The following UBN2 variants were observed in gnomAD, a reference collection of about 807,000 sequenced individuals.
The protein encoded by UBN2 is ubinuclein 2, also known as ubinuclein-2.
In UBN2, 35 loss-of-function variants were observed where a neutral mutation model predicts 120.2. That is an observed-to-expected ratio of 0.29 (90% confidence interval 0.22 to 0.39). The LOEUF is 0.39. Among genes scored for constraint, UBN2 ranks in the 10% least tolerant of loss-of-function variants. The probability of loss-of-function intolerance (pLI) is 1.00; values close to 1 mark genes in which losing one functional copy is unlikely to be tolerated. For missense variants in UBN2, 1,693 were observed against 1,663.2 expected (o/e 1.02, Z -0.31); for synonymous variants, 661 against 648.7 (o/e 1.02, Z -0.29).
downstream of UBN2, among the ~76,000 whole-genome samples, chr7:139,313,088 C>T (rs1798469137): frequency 6.6e-6 from 1 of 151,990 alleles, no homozygotes; most frequent in African/African-American, 2.4e-5. Context: ...GTCTTTGTTA[C>T]TCTATGTTGG....
intron 3 of UBN2, among the ~76,000 whole-genome samples, chr7:139,257,563 A>T (rs1002181603): frequency 2.6e-5 from 4 of 151,214 alleles, no homozygotes; most frequent in African/African-American, 9.7e-5. Context: ...CACCCACCCC[A>T]CCACGCCCGG....
chr7:139,284,202 C>G lies in UBN2; in HGVS notation c.3297C>G (p.Ala1099=). The G allele has an allele frequency of 6.2e-7, 1 of 1,614,112 alleles. No individual in the cohort carries two copies. The highest frequency in any genetic ancestry group is 8.5e-7 in the Non-Finnish European group (1 of 1,180,028). The change falls in exon 15 of 18, where the codon GCC becomes GCG. Residue 1099 remains alanine (A), a synonymous_variant. Coordinates refer to ENST00000473989, the MANE Select transcript of UBN2 (RefSeq NM_173569.4). ...PSSSSPNALV[A]QGSHSSTNSP... is the part of the protein sequence containing the mutation. ...GTTCCAGTCCAAATGCACTAGTTGC[C>G]CAGGGTAGCCACTCCAGCACTAACA...
intron 1 of UBN2, among the ~76,000 whole-genome samples, chr7:139,234,370 A>C (rs1796108419): frequency 6.6e-6 from 1 of 152,178 alleles, no homozygotes. Flanking sequence ...TTCCCTTCTT[A>C]AATACTAAAT....
At chr7:139,286,773 G>A (rs189456291) in intron 15 of UBN2, among the ~76,000 whole-genome samples, 1 of 152,256 alleles carries the variant, frequency 6.6e-6, no homozygotes, top group East Asian at 1.9e-4. Context: ...TCCTATTTAT[G>A]TGGAACAGGA....
At chr7:139,236,383 G>C (rs1319126863) in intron 1 of UBN2, among the ~76,000 whole-genome samples, 1 of 152,212 alleles carries the variant, frequency 6.6e-6, no homozygotes, top group African/African-American at 2.4e-5. Context: ...AATGGTTGTT[G>C]ATATTGGACC....
chr7:139,255,879 T>G (rs1796751298), intron 3 of UBN2, among the ~76,000 whole-genome samples: 1 of 152,230 alleles, frequency 6.6e-6, no homozygotes, highest in Non-Finnish European at 1.5e-5. Context: ...TTATTATTAA[T>G]AAATAATGAT....
chr7:139,251,876 G>C, intron 2 of UBN2, 80 bp from the exon 3 acceptor site: 1 of 1,373,350 alleles, frequency 7.3e-7, no homozygotes, highest in Non-Finnish European at 1.0e-6. Flanking sequence ...AAAATTATTT[G>C]AATTCTTCTA....
chr7:139,323,623 C>G, the UBN2 span, among the ~76,000 whole-genome samples: 1 of 150,256 alleles, frequency 6.7e-6, no homozygotes, highest in South Asian at 2.1e-4. Flanking sequence ...GAGTCTCACT[C>G]TTACCACACA....
rs1175953596 is a variant in UBN2, at chr7:139,251,614, A to T, written c.562-342A>T. ...GTTTTCTCAGGGTTAGGCTGGGGTT[A>T]TAGGCTACTGAGAAGATCACAGAGG... On this transcript the variant is annotated intron_variant, in intron 2 of 17. Transcript: ENST00000473989. Among the ~76,000 whole-genome samples the T allele has an allele frequency of 2.0e-5, 3 of 152,216 alleles. 1 individual carries two copies. The East Asian group carries it at 5.8e-4, about 29-fold the overall frequency.
intron 12 of UBN2, chr7:139,277,583 A>G (rs1313531249): frequency 6.6e-6 from 1 of 152,198 alleles, no homozygotes; most frequent in Non-Finnish European, 1.5e-5. Context: ...TCAGAGATGC[A>G]TTGAGTTGGT....
intron 15 of UBN2, among the ~76,000 whole-genome samples, chr7:139,291,772 T>C (rs1019864170): frequency 2.6e-5 from 4 of 152,082 alleles, no homozygotes; most frequent in African/African-American, 9.7e-5. Context: ...GAGGATCACT[T>C]GAGCCCAGGA....
intron 5 of UBN2, among the ~76,000 whole-genome samples, chr7:139,260,613 G>T (rs1796900544): frequency 6.6e-6 from 1 of 151,868 alleles, no homozygotes; most frequent in African/African-American, 2.4e-5. Flanking sequence ...CTGAATTTTG[G>T]GTTATCAATA....
At chr7:139,325,979 C>T in the UBN2 span, among the ~76,000 whole-genome samples, 2 of 151,984 alleles carry the variant, frequency 1.3e-5, no homozygotes, top group African/African-American at 2.4e-5. Flanking sequence ...TCACTTGAGG[C>T]CAGGGGTTTG....
At position 139,283,866 on chromosome 7, in the gene UBN2, C is replaced by T. The variant is rs754754060; in HGVS notation, c.2961C>T (p.Pro987=). 6.2e-7 allele frequency: 1 copy of T among 1,614,188 alleles called. No individual in the cohort carries two copies. The highest frequency in any genetic ancestry group is 8.5e-7 in the Non-Finnish European group (1 of 1,180,046). ...TGTACCGCCTTCCCTTATCTACCCC[C>T]TCACCTGGAAATGGTTCTCAAGGGT... ...PLMYRLPLST[P]SPGNGSQGSH... is the part of the protein sequence containing the mutation. Residue 987 remains proline (P), a synonymous_variant, in exon 15 of 18, where the codon CCC becomes CCT. Coordinates refer to ENST00000473989, the MANE Select transcript of UBN2 (RefSeq NM_173569.4).
intron 6 of UBN2, among the ~76,000 whole-genome samples, chr7:139,262,772 A>G (rs1171697794): frequency 6.6e-5 from 10 of 151,996 alleles, no homozygotes; most frequent in African/African-American, 2.4e-4. Flanking sequence ...TAACATCAAT[A>G]GAGTTGGTTC....
At chr7:139,253,318 AG>A (rs1458067181) in intron 3 of UBN2, among the ~76,000 whole-genome samples, 1 of 151,890 alleles carries the variant, frequency 6.6e-6, no homozygotes, top group East Asian at 1.9e-4. Context: ...GGGTATTTAG[AG>A]GGTGCATTTA....
intron 12 of UBN2, 111 bp from the exon 13 acceptor site, chr7:139,279,207 C>G: frequency 1.2e-6 from 1 of 858,198 alleles, no homozygotes; most frequent in Non-Finnish European, 1.9e-6. Flanking sequence ...CTTCAAAGAG[C>G]TTTCCAAATA....
chr7:139,262,313 T>C (rs1306390416), intron 6 of UBN2, among the ~76,000 whole-genome samples: 1 of 151,984 alleles, frequency 6.6e-6, no homozygotes, highest in East Asian at 1.9e-4. Flanking sequence ...TTGGCCAGGC[T>C]GGTCTTGAAT....
In UBN2 at chr7:139,295,884, G is replaced by A. The variant is rs565138063; in HGVS notation, c.3994+1903G>A. On this transcript the variant is annotated intron_variant, in intron 17 of 17. Transcript: ENST00000473989. Reference sequence around the variant, plus strand: ...TGCAGTGAGCTCTGATTGTGCCACCGCACTCCAGTCTGGGTGACAGAGTGA... The same window carrying A: ...TGCAGTGAGCTCTGATTGTGCCACCACACTCCAGTCTGGGTGACAGAGTGA... Among the ~76,000 whole-genome samples the A allele has an allele frequency of 1.1e-4, 17 of 152,170 alleles. No homozygotes were observed. The East Asian group carries it at 2.1e-3, about 19-fold the overall frequency.
Sources: gnomAD v4.1 joint callset for allele counts (sites outside exome capture counted in the v4.1 genomes callset) on GRCh38, gnomAD v4.1.1 for gene constraint, MANE v1.5 for transcripts, NCBI Gene and HGNC (gene_info 2026-07-23, HGNC 2026-07-21) for gene names.